Variants in THSD7B observed in about 807,000 individuals in gnomAD.
THSD7B encodes thrombospondin type 1 domain containing 7B.
A neutral mutation model predicts 213.6 loss-of-function variants in THSD7B; 138 were observed. The ratio of observed to expected loss-of-function variants is 0.65; its 90% confidence interval spans 0.56 to 0.74. The LOEUF (loss-of-function observed/expected upper bound fraction) is 0.74, where lower values mean the gene tolerates loss of function less well. THSD7B is among the 30% of genes least tolerant of loss of function. The probability of loss-of-function intolerance (pLI) is 0.00; values close to 1 mark genes in which losing one functional copy is unlikely to be tolerated. For synonymous variants in THSD7B, 742 were observed against 687.0 expected, an observed-to-expected ratio of 1.08 and a Z score of -1.25; for missense variants, 1,931 against 1,991.5, an observed-to-expected ratio of 0.97 and a Z score of 0.58.
chr2:137,296,311 G>C (rs1683462304), intron 12 of THSD7B, among the ~76,000 whole-genome samples: 1 of 151,886 alleles, frequency 6.6e-6, no homozygotes, highest in Admixed American at 6.6e-5. Context: ...TATTTTTCTT[G>C]CTTTCATTAG....
At chr2:137,010,918 G>A (rs1283456078) in intron 2 of THSD7B, among the ~76,000 whole-genome samples, 1 of 152,102 alleles carries the variant, frequency 6.6e-6, no homozygotes, top group Non-Finnish European at 1.5e-5. Flanking sequence ...TAGCACAATG[G>A]GATGAGAGTG....
At chr2:136,936,745 C>CA (rs961834057) in intron 2 of THSD7B, among the ~76,000 whole-genome samples, 23 of 152,152 alleles carry the variant, frequency 1.5e-4, no homozygotes, top group African/African-American at 5.3e-4. Context: ...ATGGATGCAC[C>CA]AAAATCTCAC....
intron 9 of THSD7B, among the ~76,000 whole-genome samples, chr2:137,241,761 A>G (rs1681910332): frequency 6.6e-6 from 1 of 152,080 alleles, no homozygotes; most frequent in South Asian, 2.1e-4. Flanking sequence ...AAATACAAAA[A>G]TTAGCCAGGC....
intron 15 of THSD7B, among the ~76,000 whole-genome samples, chr2:137,472,191 G>C (rs1287894808): frequency 1.3e-5 from 2 of 152,216 alleles, no homozygotes; most frequent in East Asian, 3.9e-4. Context: ...TATGAGATTT[G>C]TGGAAAGCTC....
intron 15 of THSD7B, among the ~76,000 whole-genome samples, chr2:137,514,639 C>A (rs186756714): frequency 1.3e-5 from 2 of 152,232 alleles, no homozygotes; most frequent in East Asian, 1.9e-4. Flanking sequence ...AGACAAAGTT[C>A]TTTTGTTGAT....
At chr2:137,454,845 T>G (rs1687732277) in intron 15 of THSD7B, among the ~76,000 whole-genome samples, 1 of 152,118 alleles carries the variant, frequency 6.6e-6, no homozygotes, top group South Asian at 2.1e-4. Flanking sequence ...TCTATTTACT[T>G]TCCTATTTTT....
intron 20 of THSD7B, among the ~76,000 whole-genome samples, chr2:137,628,320 A>G (rs368551090): frequency 2.8e-4 from 42 of 152,334 alleles, no homozygotes; most frequent in African/African-American, 9.1e-4. Flanking sequence ...CTAAAAATGA[A>G]TATCTGATCA....
At chr2:137,050,492 C>A (rs965639120) in intron 2 of THSD7B, among the ~76,000 whole-genome samples, 1 of 152,078 alleles carries the variant, frequency 6.6e-6, no homozygotes, top group African/African-American at 2.4e-5. Context: ...GCTATTAGTG[C>A]CAAACAAAAA....
At chr2:137,269,062 C>CAG (rs1029724558) in intron 10 of THSD7B, among the ~76,000 whole-genome samples, 9 of 151,960 alleles carry the variant, frequency 5.9e-5, no homozygotes, top group Non-Finnish European at 8.8e-5. Context: ...CACAAACACA[C>CAG]AGAGAGAGAG....
At chr2:137,173,521 G>A (rs776054372) in intron 7 of THSD7B, among the ~76,000 whole-genome samples, 1 of 152,118 alleles carries the variant, frequency 6.6e-6, no homozygotes, top group Non-Finnish European at 1.5e-5. Context: ...TTATTCCTGT[G>A]AAATGACTAA....
At chr2:137,107,177 C>T (rs1688270680) in intron 4 of THSD7B, among the ~76,000 whole-genome samples, 1 of 152,140 alleles carries the variant, frequency 6.6e-6, no homozygotes, top group East Asian at 1.9e-4. Flanking sequence ...CAAAATGTAG[C>T]ACATATACAA....
chr2:137,653,683 C>A (rs1259729777), intron 21 of THSD7B, among the ~76,000 whole-genome samples: 2 of 150,608 alleles, frequency 1.3e-5, no homozygotes, highest in Non-Finnish European at 2.9e-5. Flanking sequence ...TAATTCTTTT[C>A]TCTGCTTGAT....
intron 15 of THSD7B, among the ~76,000 whole-genome samples, chr2:137,527,797 G>GAATTTT (rs1680306889): frequency 6.6e-6 from 1 of 152,096 alleles, no homozygotes; most frequent in Non-Finnish European, 1.5e-5. Context: ...CATTGAACTT[G>GAATTTT]AATTTTGGAG....
intron 12 of THSD7B, among the ~76,000 whole-genome samples, chr2:137,336,309 A>T (rs544056907): frequency 3.3e-5 from 5 of 152,242 alleles, no homozygotes; most frequent in African/African-American, 1.2e-4. Flanking sequence ...TCCACAACCT[A>T]TTATCTTCTG....
intron 15 of THSD7B, among the ~76,000 whole-genome samples, chr2:137,481,766 A>G (rs1306996808): frequency 1.3e-5 from 2 of 152,252 alleles, no homozygotes; most frequent in Non-Finnish European, 2.9e-5. Flanking sequence ...ACATTGGAGA[A>G]TACAAAAATA....
intron 1 of THSD7B, among the ~76,000 whole-genome samples, chr2:136,767,519 G>C (rs529169706): frequency 6.6e-6 from 1 of 150,626 alleles, no homozygotes; most frequent in Non-Finnish European, 1.5e-5. Flanking sequence ...TCATCTACCT[G>C]CTGAGAGTTG....
intron 12 of THSD7B, among the ~76,000 whole-genome samples, chr2:137,314,775 G>A (rs1480116935): frequency 1.3e-5 from 2 of 152,170 alleles, no homozygotes; most frequent in Non-Finnish European, 2.9e-5. Flanking sequence ...CTTGTGAGGT[G>A]TCAGTCTGCC....
At chr2:137,328,680 G>A (rs1026184613) in intron 12 of THSD7B, among the ~76,000 whole-genome samples, 1 of 152,170 alleles carries the variant, frequency 6.6e-6, no homozygotes, top group Non-Finnish European at 1.5e-5. Flanking sequence ...ATCTCATCTT[G>A]AATTGTAGTT....
chr2:136,978,155 T>A (rs903708886), intron 2 of THSD7B, among the ~76,000 whole-genome samples: 1 of 152,200 alleles, frequency 6.6e-6, no homozygotes, highest in Admixed American at 6.5e-5. Context: ...TCTAACAAAC[T>A]GTTTGTTATG....
Sources: allele counts gnomAD v4.1 joint callset (sites outside exome capture counted in the v4.1 genomes callset), GRCh38; gene constraint gnomAD v4.1.1; transcripts MANE v1.5; gene names NCBI Gene and HGNC (gene_info 2026-07-23, HGNC 2026-07-21).